The following LPAR3 variants were observed in gnomAD, a reference collection of about 807,000 sequenced individuals.
LPAR3 encodes the protein LPA receptor 3.
Under a neutral mutation model 17.8 loss-of-function variants are expected in LPAR3, and 7 were observed. The observed-to-expected ratio is 0.39, with a 90% CI of 0.22 to 0.74. The LOEUF is 0.74. LPAR3 is among the 30% of genes least tolerant of loss of function. The probability of loss-of-function intolerance (pLI) is 0.40; values close to 1 mark genes in which losing one functional copy is unlikely to be tolerated. For synonymous variants in LPAR3, 179 were observed against 179.9 expected, an observed-to-expected ratio of 0.99 and a Z score of 0.04; for missense variants, 391 against 453.4, an observed-to-expected ratio of 0.86 and a Z score of 1.25.
intron 1 of LPAR3, among the ~76,000 whole-genome samples, chr1:84,873,410 C>T (rs17116807): frequency 0.035 from 5,255 of 152,232 alleles, 257 homozygotes; most frequent in African/African-American, 0.11. Context: ...AAAGAGGAGG[C>T]ATGTTGTTGA....
intron 1 of LPAR3, among the ~76,000 whole-genome samples, chr1:84,866,626 AC>A (rs1660056527): frequency 1.3e-5 from 2 of 152,194 alleles, no homozygotes; most frequent in Admixed American, 6.5e-5. Context: ...TCATTAATCA[AC>A]GGCAGGTTGG....
chr1:84,838,726 G>A (rs2102753425), intron 2 of LPAR3, among the ~76,000 whole-genome samples: 1 of 152,254 alleles, frequency 6.6e-6, no homozygotes, highest in South Asian at 2.1e-4. Context: ...AAGTCTGACA[G>A]GACTATCTCC....
chr1:84,835,899 G>A (rs934511581), intron 2 of LPAR3, among the ~76,000 whole-genome samples: 6 of 150,430 alleles, frequency 4.0e-5, no homozygotes, highest in African/African-American at 1.5e-4. Context: ...ATACTTTCTA[G>A]AGCATTTTCT....
chr1:84,823,499 C>T lies in LPAR3; in HGVS notation c.737-9328G>A, dbSNP rs911604141. ...CCATAAATGATTCATTTAACACTAT[C>T]GTTACTAGTGTTGGGTATTTTGACT... On this transcript the variant is annotated intron_variant, in intron 2 of 2. Transcript: ENST00000370611. Among the ~76,000 whole-genome samples the T allele has an allele frequency of 2.2e-4, 33 of 152,124 alleles. 1 individual carries two copies. The highest frequency in any genetic ancestry group is 7.7e-4 in the African/African-American group (32 of 41,430).
Position 84,865,740 on chromosome 1 carries a change from C to T in LPAR3, c.381G>A (p.Arg127=), listed in dbSNP as rs1336995540. 6.2e-6 allele frequency: 10 copies of T among 1,614,170 alleles called. No homozygotes were observed. The highest frequency in any genetic ancestry group is 2.2e-5 in the South Asian group (2 of 91,078). ...CCCGCATCCTCATGATTGACATGTG[C>T]CTCTCCACGGCGATAACCAGCAAGT... ...LTNLLVIAVE[R]HMSIMRMRVH... The change falls in exon 2 of 3, where the codon AGG becomes AGA. Residue 127 remains arginine (R), a synonymous_variant. Coordinates refer to ENST00000370611, the MANE Select transcript of LPAR3 (RefSeq NM_012152.3).
chr1:84,819,570 A>T (rs866160098), intron 2 of LPAR3, among the ~76,000 whole-genome samples: 1 of 152,212 alleles, frequency 6.6e-6, no homozygotes, highest in African/African-American at 2.4e-5. Context: ...TAGATGCCAT[A>T]TAGACTTAGC....
intron 1 of LPAR3, among the ~76,000 whole-genome samples, chr1:84,874,335 C>T (rs538154892): frequency 1.3e-5 from 2 of 152,128 alleles, no homozygotes; most frequent in Non-Finnish European, 2.9e-5. Context: ...GTTTTGGAGA[C>T]CTTTAGGCAG....
intron 2 of LPAR3, among the ~76,000 whole-genome samples, chr1:84,835,989 GC>G (rs1245695848): frequency 7.5e-6 from 1 of 133,366 alleles, no homozygotes; most frequent in African/African-American, 2.8e-5. Flanking sequence ...GAATATGAAT[GC>G]CCCCCCAACC....
chr1:84,850,898 G>A (rs1254272872), intron 2 of LPAR3, among the ~76,000 whole-genome samples: 2 of 152,254 alleles, frequency 1.3e-5, no homozygotes, highest in African/African-American at 4.8e-5. Flanking sequence ...GACCCAGGCT[G>A]AGCCAGTCTG....
At chr1:84,827,213 T>C (rs1659176226) in intron 2 of LPAR3, among the ~76,000 whole-genome samples, 1 of 152,172 alleles carries the variant, frequency 6.6e-6, no homozygotes, top group Non-Finnish European at 1.5e-5. Flanking sequence ...TAGTTGTATA[T>C]TAAATCACAA....
chr1:84,826,929 T>G (rs189291293), intron 2 of LPAR3, among the ~76,000 whole-genome samples: 2 of 152,344 alleles, frequency 1.3e-5, no homozygotes, highest in African/African-American at 4.8e-5. Context: ...TACCTTTGCA[T>G]GCACTAGATT....
At chr1:84,891,677 A>G (rs1660554681) in intron 1 of LPAR3, among the ~76,000 whole-genome samples, 1 of 152,238 alleles carries the variant, frequency 6.6e-6, no homozygotes, top group African/African-American at 2.4e-5. Context: ...ACAAAAGTCC[A>G]TGCATTAATG....
intron 2 of LPAR3, among the ~76,000 whole-genome samples, chr1:84,864,225 C>A (rs72718738): frequency 7.1e-5 from 10 of 141,714 alleles, no homozygotes; most frequent in South Asian, 2.4e-4. Flanking sequence ...AAAAAAAAAA[C>A]AAAAAACAAA....
In LPAR3 at chr1:84,892,264, C is replaced by A. The variant is rs573206515; in HGVS notation, c.-19+752G>T. Among the ~76,000 whole-genome samples, 279 of 145,046 alleles carry A rather than the reference C, an allele frequency of 1.9e-3. 2 individuals carry two copies. Among genetic ancestry groups the A allele is most frequent in the African/African-American group, 6.8e-3 (266 of 39,106 alleles). On this transcript the variant is annotated intron_variant, in intron 1 of 2. Transcript: ENST00000370611. ...AAATAAATAAATAAATAAATAAAAA[C>A]TAACCTACAAATGCTTTTCAGGGCC...
In LPAR3 at chr1:84,814,153, C is replaced by G; in HGVS notation, c.755G>C (p.Trp252Ser). 1 of 1,613,908 alleles carries G rather than the reference C, an allele frequency of 6.2e-7. No individual in the cohort carries two copies. The highest frequency in any genetic ancestry group is 8.5e-7 in the Non-Finnish European group (1 of 1,179,952). ...MTVLGAFVVC[W>S]TPGLVVLLLD... The stretch of plus-strand genomic sequence containing the variant: ...GAGCAGAACCACCAGGCCCGGGGTC[C>G]AGCATACCACAAACGCCCCTGCAAG... The change falls in exon 3 of 3, where the codon TGG becomes TCG. Residue 252 changes from tryptophan to serine, a missense_variant. Trp to Ser is a radical substitution (Grantham distance 177, BLOSUM62 -3). Transcript: ENST00000370611.
At chr1:84,847,469 A>G (rs1659613863) in intron 2 of LPAR3, among the ~76,000 whole-genome samples, 1 of 152,120 alleles carries the variant, frequency 6.6e-6, no homozygotes, top group Non-Finnish European at 1.5e-5. Context: ...TCTATGAAGA[A>G]TTGTCTGGGC....
intron 1 of LPAR3, among the ~76,000 whole-genome samples, chr1:84,886,431 T>C (rs559909110): frequency 6.6e-6 from 1 of 152,168 alleles, no homozygotes; most frequent in Non-Finnish European, 1.5e-5. Flanking sequence ...GAGGCTGAGA[T>C]AGGAGGACTG....
intron 1 of LPAR3, among the ~76,000 whole-genome samples, chr1:84,878,913 A>G (rs1328657249): frequency 4.6e-5 from 7 of 152,134 alleles, no homozygotes; most frequent in Non-Finnish European, 1.0e-4. Flanking sequence ...CCTAGTCCTG[A>G]CTACTATAGT....
At chr1:84,833,175 T>C (rs541558245) in intron 2 of LPAR3, among the ~76,000 whole-genome samples, 1 of 152,330 alleles carries the variant, frequency 6.6e-6, no homozygotes, top group South Asian at 2.1e-4. Flanking sequence ...AAAGATATCA[T>C]GACACTCAAA....
Sources: gnomAD v4.1 joint callset for allele counts (sites outside exome capture counted in the v4.1 genomes callset) on GRCh38, gnomAD v4.1.1 for gene constraint, MANE v1.5 for transcripts, NCBI Gene and HGNC (gene_info 2026-07-23, HGNC 2026-07-21) for gene names.